The following CBLB variants were observed in gnomAD, a reference collection of about 807,000 sequenced individuals.
CBLB encodes Cbl proto-oncogene B.
Under a neutral mutation model 104.9 loss-of-function variants are expected in CBLB, and 31 were observed. The observed-to-expected ratio is 0.30, with a 90% CI of 0.22 to 0.40. The LOEUF (loss-of-function observed/expected upper bound fraction) is 0.40. CBLB is among the 10% of genes least tolerant of loss of function. CBLB has a pLI of 1.00. For synonymous variants in CBLB, 440 were observed against 422.6 expected (o/e 1.04, Z -0.51); for missense variants, 1,062 against 1,214.6 (o/e 0.87, Z 1.87).
At chr3:105,781,550 TAAATA>T (rs768780459) in intron 3 of CBLB, among the ~76,000 whole-genome samples, 26,203 of 152,098 alleles carry the variant, frequency 0.17, 2,636 homozygotes, top group Admixed American at 0.28. Context: ...ATTAAATGAA[TAAATA>T]AATAAAAGAA....
chr3:105,688,552 T>C (rs2067284587), intron 13 of CBLB, among the ~76,000 whole-genome samples: 1 of 152,028 alleles, frequency 6.6e-6, no homozygotes, highest in Non-Finnish European at 1.5e-5. Flanking sequence ...TTTAATAGTA[T>C]CTGAAGGCAA....
intron 3 of CBLB, among the ~76,000 whole-genome samples, chr3:105,808,495 T>C (rs1281419257): frequency 6.6e-6 from 1 of 152,218 alleles, no homozygotes; most frequent in East Asian, 1.9e-4. Flanking sequence ...TCATGCTGTA[T>C]ACTAAGCTGT....
intron 4 of CBLB, among the ~76,000 whole-genome samples, chr3:105,758,319 C>T (rs1338100151): frequency 6.6e-6 from 1 of 152,184 alleles, no homozygotes; most frequent in African/African-American, 2.4e-5. Context: ...TTGAACCACT[C>T]TTCCTTATAC....
intron 4 of CBLB, among the ~76,000 whole-genome samples, chr3:105,764,159 G>A (rs1311587811): frequency 1.3e-5 from 2 of 152,174 alleles, no homozygotes; most frequent in Non-Finnish European, 2.9e-5. Flanking sequence ...GCAGAGAAGA[G>A]AACAAATGTT....
At chr3:105,695,993 C>A (rs1467049021) in intron 12 of CBLB, among the ~76,000 whole-genome samples, 1 of 151,342 alleles carries the variant, frequency 6.6e-6, no homozygotes, top group Non-Finnish European at 1.5e-5. Context: ...GAAAGAAATT[C>A]ATTATTACTG....
Position 105,704,065 on chromosome 3 carries a change from G to C in CBLB, c.1516C>G (p.Pro506Ala). ...PLQIPHLSLP[P>A]VPPRLDLIQK... ...ATTAGATCCAGGCGAGGAGGCACGG[G>C]TGGCAGGCTTAGATGTGGGATCTGG... Residue 506 changes from proline to alanine, a missense_variant, in exon 11 of 19, where the codon CCC (proline) becomes GCC (alanine). Pro to Ala is a conservative substitution (Grantham distance 27). Coordinates refer to ENST00000394030, the MANE Select transcript of CBLB (RefSeq NM_170662.5). The C allele has an allele frequency of 6.2e-7, 1 of 1,614,154 alleles. No individual in the cohort carries two copies. Among genetic ancestry groups the C allele is most frequent in the South Asian group, 1.1e-5 (1 of 91,078 alleles).
Position 105,681,796 on chromosome 3 carries a change from T to C in CBLB, c.2224A>G (p.Met742Val). The change falls in exon 15 of 19, where the codon ATG becomes GTG. Residue 742 changes from methionine to valine, a missense_variant. Coordinates refer to ENST00000394030, the MANE Select transcript of CBLB (RefSeq NM_170662.5). The stretch of plus-strand genomic sequence containing the variant: ...GATGGACCATGTGTTCCATTCAGCA[T>C]ACAGTGACCATTATCACAAGACCTA... ...PVRSCDNGHC[M>V]LNGTHGPSSE... is the part of the protein sequence containing the mutation. 6.2e-7 allele frequency: 1 copy of C among 1,607,502 alleles called. No homozygotes were observed. The highest frequency in any genetic ancestry group is 2.2e-5 in the East Asian group (1 of 44,834).
At chr3:105,775,129 C>T (rs1264329255) in intron 4 of CBLB, among the ~76,000 whole-genome samples, 1 of 152,130 alleles carries the variant, frequency 6.6e-6, no homozygotes, top group Non-Finnish European at 1.5e-5. Context: ...AATATATGAA[C>T]ATTATAAATA....
At chr3:105,744,727 C>T (rs1303741948) in intron 6 of CBLB, among the ~76,000 whole-genome samples, 4 of 151,936 alleles carry the variant, frequency 2.6e-5, no homozygotes, top group Non-Finnish European at 1.5e-5. Flanking sequence ...GTCAGGAGAT[C>T]AAGACCATCC....
chr3:105,792,548 G>A (rs2081792503), intron 3 of CBLB, among the ~76,000 whole-genome samples: 1 of 152,126 alleles, frequency 6.6e-6, no homozygotes, highest in South Asian at 2.1e-4. Flanking sequence ...TTTCACATTT[G>A]TAAATATCAA....
In CBLB at chr3:105,704,138, T is replaced by C; in HGVS notation, c.1443A>G (p.Pro481=). 1 of 1,614,114 alleles carries C rather than the reference T, an allele frequency of 6.2e-7. No homozygotes were observed. The highest frequency in any genetic ancestry group is 8.5e-7 in the Non-Finnish European group (1 of 1,180,014). ...TDRQNSPVTS[P]GSSPLAQRRK... Reference sequence around the variant, plus strand: ...TTCTCTGGGCAAGGGGAGAGGATCCTGGTGATGTGACTGGTGAGTTCTGCC... The same window carrying C: ...TTCTCTGGGCAAGGGGAGAGGATCCCGGTGATGTGACTGGTGAGTTCTGCC... Residue 481 remains proline (P), a synonymous_variant, in exon 11 of 19, where the codon CCA becomes CCG. Coordinates refer to ENST00000394030, the MANE Select transcript of CBLB (RefSeq NM_170662.5).
intron 5 of CBLB, among the ~76,000 whole-genome samples, chr3:105,750,073 C>T: frequency 6.6e-6 from 1 of 150,868 alleles, no homozygotes; most frequent in Admixed American, 6.6e-5. Context: ...GGCTGGAGTG[C>T]AGTGACACGA....
At chr3:105,796,782 G>A (rs750543063) in intron 3 of CBLB, among the ~76,000 whole-genome samples, 15 of 152,064 alleles carry the variant, frequency 9.9e-5, no homozygotes, top group Non-Finnish European at 7.4e-5. Context: ...ATGAACAAAC[G>A]CTTTTCCAAA....
intron 3 of CBLB, among the ~76,000 whole-genome samples, chr3:105,780,930 G>T (rs2152975395): frequency 6.6e-6 from 1 of 152,072 alleles, no homozygotes; most frequent in East Asian, 1.9e-4. Context: ...AAAGTACTGG[G>T]ATTATAAGGT....
intron 4 of CBLB, chr3:105,762,167 T>C (rs2077706762): frequency 6.6e-6 from 1 of 152,162 alleles, no homozygotes; most frequent in Non-Finnish European, 1.5e-5. Flanking sequence ...AGATATGATA[T>C]GGAATTGGAA....
At chr3:105,839,392 G>GGTCTATAGCTATCAGTCATT (rs1411990605) in intron 3 of CBLB, 2 of 152,096 alleles carry the variant, frequency 1.3e-5, no homozygotes, top group African/African-American at 2.4e-5. Flanking sequence ...TAGTTTCATA[G>GGTCTATAGCTATCAGTCATT]GTCTATAGCT....
chr3:105,713,719 A>C (rs2071432826), intron 10 of CBLB, among the ~76,000 whole-genome samples: 1 of 152,218 alleles, frequency 6.6e-6, no homozygotes, highest in South Asian at 2.1e-4. Context: ...AAGATCAGTA[A>C]ACAGAGTGCA....
At chr3:105,782,357 T>C (rs1386012430) in intron 3 of CBLB, among the ~76,000 whole-genome samples, 1 of 152,156 alleles carries the variant, frequency 6.6e-6, no homozygotes, top group Non-Finnish European at 1.5e-5. Context: ...TTCAACTTGC[T>C]CCATTTTACT....
At chr3:105,822,094 A>T (rs1431559452) in intron 3 of CBLB, among the ~76,000 whole-genome samples, 1 of 150,228 alleles carries the variant, frequency 6.7e-6, no homozygotes, top group African/African-American at 2.4e-5. Context: ...TAAATAACTT[A>T]TATTATTATT....
Sources: allele counts gnomAD v4.1 joint callset (sites outside exome capture counted in the v4.1 genomes callset), GRCh38; gene constraint gnomAD v4.1.1; transcripts MANE v1.5; gene names NCBI Gene and HGNC (gene_info 2026-07-23, HGNC 2026-07-21).